Variants in ANKIB1 observed in about 807,000 individuals in gnomAD.
ANKIB1 encodes ankyrin repeat and IBR domain-containing protein 1.
In ANKIB1, 43 loss-of-function variants were observed where a neutral mutation model predicts 122.1. That is an observed-to-expected ratio of 0.35 (90% CI 0.28 to 0.45). The LOEUF is 0.45. Ranked by LOEUF, ANKIB1 falls within the 20% of genes least tolerant of loss-of-function variation. The pLI is 1.00. For synonymous variants in ANKIB1, 390 were observed against 442.0 expected (o/e 0.88, Z 1.48); for missense variants, 992 against 1,329.5 (o/e 0.75, Z 3.95).
intron 18 of ANKIB1, among the ~76,000 whole-genome samples, chr7:92,397,347 A>G (rs1804920510): frequency 6.6e-6 from 1 of 152,064 alleles, no homozygotes; most frequent in Non-Finnish European, 1.5e-5. Flanking sequence ...TTAGCCAGGC[A>G]TGGTGGTGCA....
chr7:92,299,761 A>T (rs1308409919), intron 2 of ANKIB1, among the ~76,000 whole-genome samples: 2 of 152,190 alleles, frequency 1.3e-5, no homozygotes, highest in Admixed American at 6.5e-5. Flanking sequence ...GTTTATTTTT[A>T]AAATTAATGT....
intron 1 of ANKIB1, among the ~76,000 whole-genome samples, chr7:92,253,097 G>T (rs969221179): frequency 6.6e-6 from 1 of 152,086 alleles, no homozygotes; most frequent in African/African-American, 2.4e-5. Flanking sequence ...AATTATTTCT[G>T]TACCTGTGTG....
chr7:92,309,942 A>AAAAAAATATATATATAT (rs1335765681), intron 3 of ANKIB1, among the ~76,000 whole-genome samples: 2 of 91,814 alleles, frequency 2.2e-5, no homozygotes, highest in African/African-American at 9.7e-5. Context: ...AAAAAAAAAA[A>AAAAAAATATATATATAT]ATATATATAT....
At chr7:92,377,223 C>T (rs1266975282) in intron 11 of ANKIB1, among the ~76,000 whole-genome samples, 1 of 152,064 alleles carries the variant, frequency 6.6e-6, no homozygotes, top group Non-Finnish European at 1.5e-5. Context: ...AATTGAACTA[C>T]TTTTAATATT....
chr7:92,310,910 A>G (rs1365340866), intron 3 of ANKIB1, among the ~76,000 whole-genome samples: 1 of 152,208 alleles, frequency 6.6e-6, no homozygotes, highest in Non-Finnish European at 1.5e-5. Context: ...CTGACTATAC[A>G]TTAAAATATG....
At chr7:92,387,030 G>T (rs1209420192) in intron 12 of ANKIB1, among the ~76,000 whole-genome samples, 2 of 152,150 alleles carry the variant, frequency 1.3e-5, no homozygotes, top group African/African-American at 4.8e-5. Context: ...CAGTTGTAGA[G>T]GTTGTGAAGT....
intron 1 of ANKIB1, among the ~76,000 whole-genome samples, chr7:92,252,715 T>A (rs1801352574): frequency 6.6e-6 from 1 of 152,150 alleles, no homozygotes; most frequent in Admixed American, 6.5e-5. Flanking sequence ...TAGCCAATGG[T>A]AACCTCTTCA....
intron 1 of ANKIB1, among the ~76,000 whole-genome samples, chr7:92,285,457 A>T (rs185337493): frequency 1.3e-5 from 2 of 152,362 alleles, no homozygotes; most frequent in Non-Finnish European, 2.9e-5. Flanking sequence ...TAAATGGAAG[A>T]TAAGTTATGT....
chr7:92,328,072 G>A (rs1384248304), intron 5 of ANKIB1, among the ~76,000 whole-genome samples, 172 bp downstream of exon 5: 2 of 152,156 alleles, frequency 1.3e-5, no homozygotes, highest in African/African-American at 4.8e-5. Flanking sequence ...ATAACATCTT[G>A]TATTTTGAAG....
intron 1 of ANKIB1, among the ~76,000 whole-genome samples, chr7:92,288,035 C>CAAAAAA (rs35766675): frequency 3.3e-5 from 3 of 90,164 alleles, no homozygotes; most frequent in African/African-American, 4.5e-5. Flanking sequence ...GACTCCGTCT[C>CAAAAAA]AAAAAAAAAA....
Position 92,357,193 on chromosome 7 carries a change from A to G in ANKIB1, c.1397+4551A>G, listed in dbSNP as rs117613084. On this transcript the variant is annotated intron_variant, in intron 9 of 19. Transcript: ENST00000265742. ...TGATCACTTGATGTTAGGTTAACCA[A>G]TCATATTTGAGCTACGTGGAGGAGT... Among the ~76,000 whole-genome samples, 218 of 152,284 alleles carry G rather than the reference A, an allele frequency of 1.4e-3. 4 individuals are homozygous for G. In the East Asian group the frequency reaches 0.038, roughly 27 times the overall value.
chr7:92,306,688 G>A (rs531763957), intron 2 of ANKIB1, among the ~76,000 whole-genome samples: 13 of 152,184 alleles, frequency 8.5e-5, no homozygotes, highest in South Asian at 4.2e-4. Context: ...ACTTACCAGC[G>A]TCCACAACTG....
chr7:92,278,347 A>C (rs1801947618), intron 1 of ANKIB1, among the ~76,000 whole-genome samples: 1 of 152,222 alleles, frequency 6.6e-6, no homozygotes, highest in South Asian at 2.1e-4. Flanking sequence ...CAGGGCTGTT[A>C]GGTGTAATCA....
At chr7:92,280,073 T>C (rs1254864733) in intron 1 of ANKIB1, among the ~76,000 whole-genome samples, 3 of 152,260 alleles carry the variant, frequency 2.0e-5, no homozygotes, top group East Asian at 1.9e-4. Context: ...AGACTTATTC[T>C]GTTTCTGATA....
In ANKIB1 at chr7:92,388,036, A is replaced by G. The variant is rs1184276946; in HGVS notation, c.1901A>G (p.Lys634Arg). 1 of 1,565,174 alleles carries G rather than the reference A, an allele frequency of 6.4e-7. No individual in the cohort carries two copies. Among genetic ancestry groups the G allele is most frequent in the South Asian group, 1.2e-5 (1 of 85,086 alleles). Reference protein sequence around the residue: ...EKMEQLSRALKETEGGCPDTT... With the variant: ...EKMEQLSRALRETEGGCPDTT... The stretch of plus-strand genomic sequence containing the variant: ...ATGGAGCAATTGAGCAGAGCTCTCA[A>G]AGAAAGTAAGTTATAAGTTGTATGT... The change falls in exon 14 of 20, where the codon AAA becomes AGA. Residue 634 changes from lysine to arginine, a missense_variant. By Grantham distance (26) the Lys-to-Arg change is conservative (BLOSUM62 2). Coordinates refer to ENST00000265742, the MANE Select transcript of ANKIB1 (RefSeq NM_019004.2).
chr7:92,397,109 T>G (rs1804914738), intron 18 of ANKIB1, among the ~76,000 whole-genome samples: 1 of 152,192 alleles, frequency 6.6e-6, no homozygotes, highest in Non-Finnish European at 1.5e-5. Flanking sequence ...TGAAAAACGT[T>G]TATTAGTTAT....
chr7:92,249,301 C>T (rs1801270282), intron 1 of ANKIB1, among the ~76,000 whole-genome samples: 2 of 152,198 alleles, frequency 1.3e-5, no homozygotes, highest in Non-Finnish European at 2.9e-5. Context: ...AGTCAAGGTT[C>T]CTTTCCTCAT....
At chr7:92,378,479 A>AG (rs1804437311) in intron 11 of ANKIB1, among the ~76,000 whole-genome samples, 1 of 137,404 alleles carries the variant, frequency 7.3e-6, no homozygotes, top group African/African-American at 2.9e-5. Context: ...AAGCTATTTG[A>AG]CAAAAAAAAA....
chr7:92,338,963 TATATATA>T, intron 5 of ANKIB1, among the ~76,000 whole-genome samples: 1 of 104,318 alleles, frequency 9.6e-6, no homozygotes, highest in Non-Finnish European at 1.8e-5. Flanking sequence ...TATATATATA[TATATATA>T]TTTATATGAA....
Sources: allele counts gnomAD v4.1 joint callset (sites outside exome capture counted in the v4.1 genomes callset), GRCh38; gene constraint gnomAD v4.1.1; transcripts MANE v1.5; gene names NCBI Gene and HGNC (gene_info 2026-07-23, HGNC 2026-07-21).